LDB1: variants seen among roughly 807,000 people sequenced by gnomAD.
LDB1 encodes LIM domain-binding protein 1.
LDB1 carries 6 observed loss-of-function variants against 49.7 expected under a neutral mutation model. The ratio of observed to expected loss-of-function variants is 0.12; its 90% CI spans 0.07 to 0.24. The LOEUF is 0.24. Ranked by LOEUF, LDB1 falls within the 10% of genes least tolerant of loss-of-function variation. The probability of loss-of-function intolerance (pLI) is 1.00; values close to 1 mark genes in which losing one functional copy is unlikely to be tolerated. For missense variants in LDB1, 341 were observed against 561.7 expected, an observed-to-expected ratio of 0.61 and a Z score of 3.97; for synonymous variants, 233 against 202.0, an observed-to-expected ratio of 1.15 and a Z score of -1.30.
chr10:102,108,366 T>G (rs2068198109), intron 10 of LDB1, 43 bp from the exon 11 acceptor site: 1 of 1,538,308 alleles, frequency 6.5e-7, no homozygotes, highest in Non-Finnish European at 8.9e-7. Flanking sequence ...GGGCAAGGGC[T>G]CGCCCGGCCC....
At chr10:102,108,875 C>T in intron 10 of LDB1, 154 bp downstream of exon 10, 2 of 992,358 alleles carry the variant, frequency 2.0e-6, no homozygotes, top group Non-Finnish European at 3.1e-6. Flanking sequence ...CTGACAAGAA[C>T]TCTCTCACCA....
rs2068214912 is a variant in LDB1, at chr10:102,109,267, T to A, written c.857-90A>T. The A allele has an allele frequency of 6.2e-7, 1 of 1,604,484 alleles. No individual in the cohort carries two copies. Among genetic ancestry groups the A allele is most frequent in the African/African-American group, 1.3e-5 (1 of 74,482 alleles). The stretch of plus-strand genomic sequence containing the variant: ...CCCAAGGAGCATGAGCCTGCCCTGA[T>A]CCCAATTTTGTAGACCCGGGAACAA... On this transcript the variant is annotated intron_variant, in intron 9 of 10. Coordinates refer to ENST00000673968, the MANE Select transcript of LDB1 (RefSeq NM_001113407.3). The surrounding 1 kb of genome is among the most constrained non-coding windows in gnomAD (Gnocchi z 5.8).
At chr10:102,113,313 G>A (rs1374084779) in intron 1 of LDB1, among the ~76,000 whole-genome samples, 4 of 152,122 alleles carry the variant, frequency 2.6e-5, no homozygotes, top group South Asian at 2.1e-4. Context: ...CCCTCAGCTC[G>A]CCCTAACATG....
rs778179030 is a variant in LDB1, at chr10:102,108,072, G to A, written c.*21C>T. The A allele has an allele frequency of 1.9e-6, 3 of 1,574,880 alleles. No homozygotes were observed. The Admixed American group carries it at 5.0e-5, about 26-fold the overall frequency. ...GGGTGGGGCAGGTAGGCAGAGCACT[G>A]GGTGGCCACAGCAGGGCCTTTTACT... On this transcript the variant is annotated 3_prime_UTR_variant, in exon 11 of 11. Transcript: ENST00000673968.
rs752751627 is a variant in LDB1 at position 102,119,298 on chromosome 10, GC to G, written c.25+787del. Among the ~76,000 whole-genome samples, 5 of 131,410 alleles carry G rather than the reference GC, an allele frequency of 3.8e-5. No individual in the cohort carries two copies. The East Asian group carries it at 1.1e-3, about 28-fold the overall frequency. 86.2% of individuals were successfully genotyped at this position (131,410 alleles called of 152,430 possible). ...CCTGGCAGTGAGGTAGACGCCCTCC[GC>G]CCCCCCCACCTGCCCCCCAGGAAAA... On this transcript the variant is annotated intron_variant, in intron 1 of 10. Transcript: ENST00000673968.
intron 1 of LDB1, chr10:102,114,311 C>CT (rs2068300015): frequency 2.0e-6 from 2 of 985,326 alleles, no homozygotes; most frequent in Admixed American, 1.2e-4. Context: ...CGGCTCTGGG[C>CT]TGGGGCACCT....
downstream of LDB1, among the ~76,000 whole-genome samples, chr10:102,103,477 A>G (rs1412971319): frequency 6.6e-6 from 1 of 152,002 alleles, no homozygotes; most frequent in Non-Finnish European, 1.5e-5. Flanking sequence ...AGTAGCTGGG[A>G]CTATAGATGC....
chr10:102,108,087 G>A lies in LDB1; in HGVS notation c.*6C>T. ...GCAGAGCACTGGGTGGCCACAGCAG[G>A]GCCTTTTACTGGGAGGCCTGTGACG... On this transcript the variant is annotated 3_prime_UTR_variant, in exon 11 of 11. Coordinates refer to ENST00000673968, the MANE Select transcript of LDB1 (RefSeq NM_001113407.3). 6.2e-7 allele frequency: 1 copy of A among 1,609,832 alleles called. No individual in the cohort carries two copies. The highest frequency in any genetic ancestry group is 8.5e-7 in the Non-Finnish European group (1 of 1,176,392).
At chr10:102,114,810 CAGCCCGCCCGCCCTCCCCAGG>C in intron 1 of LDB1, 1 of 963,290 alleles carries the variant, frequency 1.0e-6, no homozygotes, top group Non-Finnish European at 1.2e-6. Flanking sequence ...TGCCTCCGAG[CAGCCCGCCCGCCCTCCCCAGG>C]CCACCGGGCC....
chr10:102,119,389 T>C (rs1352727430), intron 1 of LDB1, among the ~76,000 whole-genome samples: 4 of 150,822 alleles, frequency 2.7e-5, no homozygotes, highest in Non-Finnish European at 5.9e-5. Context: ...GATCTGAGCC[T>C]GGGTCCTCTC....
intron 1 of LDB1, among the ~76,000 whole-genome samples, chr10:102,116,532 T>C (rs1004876289): frequency 6.6e-6 from 1 of 151,512 alleles, no homozygotes; most frequent in African/African-American, 2.4e-5. Flanking sequence ...CCTGGATATA[T>C]ACACACACAC....
At position 102,107,882 on chromosome 10, in the gene LDB1, C is replaced by CG; in HGVS notation, c.*210_*211insC. 3.3e-6 allele frequency: 2 copies of CG among 598,210 alleles called. No individual in the cohort carries two copies. The highest frequency in any genetic ancestry group is 6.0e-6 in the Non-Finnish European group (2 of 335,368). 37.1% of individuals were successfully genotyped at this position (598,210 alleles called of 1,614,324 possible). On this transcript the variant is annotated 3_prime_UTR_variant, in exon 11 of 11. Coordinates refer to ENST00000673968, the MANE Select transcript of LDB1 (RefSeq NM_001113407.3). ...GCATCCACATGAGTACCCCCTCCCC[C>CG]TAAAAGGCTCTGTAGAGGCCAGGCC...
rs1268913504 is a variant in LDB1 at position 102,109,199 on chromosome 10, C to G, written c.857-22G>C. The G allele has an allele frequency of 1.1e-5, 18 of 1,612,716 alleles. No individual in the cohort carries two copies. In the Middle Eastern group the frequency reaches 9.9e-4, roughly 89 times the overall value. ...TCCGCTGTGCCGGTAAACGGAGACT[C>G]AGATGGGAGAGGGCCCCAGGTCCCC... On this transcript the variant is annotated intron_variant, in intron 9 of 10. Coordinates refer to ENST00000673968, the MANE Select transcript of LDB1 (RefSeq NM_001113407.3). The surrounding 1 kb of genome is among the most constrained non-coding windows in gnomAD (Gnocchi z 5.8).
rs949236932 is a variant in LDB1 at position 102,120,105 on chromosome 10, T to C, written c.6A>G (p.Ser2=). ...ACTCACCAGGACAGGCACAGCCCAC[T>C]GACATCTTCACATCGCCCGCCTCTG... is the stretch of plus-strand genomic sequence containing the variant. The part of the protein sequence containing the change: M[S]VGCACPGCSS... The change falls in exon 1 of 11, where the codon TCA becomes TCG. Residue 2 remains serine (S), a synonymous_variant. Transcript: ENST00000673968. 34 of 1,383,494 alleles carry C rather than the reference T, an allele frequency of 2.5e-5. No homozygotes were observed. Among genetic ancestry groups the C allele is most frequent in the Non-Finnish European group, 3.2e-5 (34 of 1,055,104 alleles). The allele number at this position is 1,383,494 out of a possible 1,614,324, so 85.7% of individuals were successfully genotyped here. A position where few individuals can be genotyped will look rare whatever the true frequency, so the allele number is the denominator to read the frequency against.
At chr10:102,115,308 C>A (rs977569098) in intron 1 of LDB1, among the ~76,000 whole-genome samples, 2 of 152,130 alleles carry the variant, frequency 1.3e-5, no homozygotes, top group African/African-American at 4.8e-5. Context: ...GGGCGGGCTC[C>A]TCTCTGCAGA....
At position 102,117,984 on chromosome 10, in the gene LDB1, C is replaced by T. The variant is rs913241363; in HGVS notation, c.25+2102G>A. On this transcript the variant is annotated intron_variant, in intron 1 of 10. Coordinates refer to ENST00000673968, the MANE Select transcript of LDB1 (RefSeq NM_001113407.3). This position sits in a 1 kb window ranked among gnomAD's most constrained non-coding sequence, Gnocchi z 4.2. ...CCGGGCTGGGGGAGGAGGAGGAGCC[C>T]GGAGACAGCAGAACACAAAGGAGAG... Among the ~76,000 whole-genome samples the T allele has an allele frequency of 6.6e-6, 1 of 151,962 alleles. No individual in the cohort carries two copies.
rs1202436181 is a variant in LDB1, at chr10:102,110,133, TC to T, written c.526-91del. The stretch of plus-strand genomic sequence containing the variant: ...ACAGTCTCCCATTTGCTTACAACTC[TC>T]CCATTGCATACACTTTTGTCACCTG... On this transcript the variant is annotated intron_variant, in intron 6 of 10. Transcript: ENST00000673968. 24 of 1,398,664 alleles carry T rather than the reference TC, an allele frequency of 1.7e-5. No homozygotes were observed. In the African/African-American group the frequency reaches 3.3e-4, roughly 19 times the overall value. 86.6% of individuals were successfully genotyped at this position (1,398,664 alleles called of 1,614,324 possible). A position where few individuals can be genotyped will look rare whatever the true frequency, so the allele number is the denominator to read the frequency against.
Position 102,107,380 on chromosome 10 carries a change from C to G in LDB1, c.*713G>C, listed in dbSNP as rs2068178166. ...ATGCTTTCCTCAACTGCAGTCACCCCAGAGGAAAGGGGGAGAGATGGTGAA... is the reference window on the plus strand; with the variant it reads ...ATGCTTTCCTCAACTGCAGTCACCCGAGAGGAAAGGGGGAGAGATGGTGAA... On this transcript the variant is annotated 3_prime_UTR_variant, in exon 11 of 11. Coordinates refer to ENST00000673968, the MANE Select transcript of LDB1 (RefSeq NM_001113407.3). Among the ~76,000 whole-genome samples, 1 of 151,982 alleles carries G rather than the reference C, an allele frequency of 6.6e-6. No homozygotes were observed.
Position 102,109,043 on chromosome 10 carries a change from A to T in LDB1, c.991T>A (p.Ser331Thr). The change falls in exon 10 of 11, where the codon TCC becomes ACC. Residue 331 changes from serine to threonine, a missense_variant. Physicochemically the swap from Ser to Thr is moderately conservative, Grantham distance 58 (BLOSUM62 1). This residue lies in a region of LDB1 where 233 missense variants were observed against 385.7 expected (regional missense o/e 0.60). Transcript: ENST00000673968. This position sits in a 1 kb window ranked among gnomAD's most constrained non-coding sequence, Gnocchi z 5.8. ...KKSPASTFALSSQVPDVMVVG... is the reference protein window; with the variant it reads ...KKSPASTFALTSQVPDVMVVG... ...GAGATGCTTACAGGTACCTGGCTGG[A>T]GAGGGCGAAGGTGCTAGCTGGGCTC... 2 of 1,614,200 alleles carry T rather than the reference A, an allele frequency of 1.2e-6. No homozygotes were observed. Among genetic ancestry groups the T allele is most frequent in the Non-Finnish European group, 8.5e-7 (1 of 1,180,024 alleles).
Sources: gnomAD v4.1 joint callset for allele counts (sites outside exome capture counted in the v4.1 genomes callset) on GRCh38, gnomAD v4.1.1 for gene constraint, gnomAD v4.1.1 regional missense constraint, Gnocchi (gnomAD v3.1) non-coding constraint, MANE v1.5 for transcripts, NCBI Gene and HGNC (gene_info 2026-07-23, HGNC 2026-07-21) for gene names.